Variants in COL24A1 observed in about 807,000 individuals in gnomAD.
The protein encoded by COL24A1 is collagen alpha-1(XXIV) chain.
Under a neutral mutation model 253.9 loss-of-function variants are expected in COL24A1, and 224 were observed. That is an observed-to-expected ratio of 0.88 (90% confidence interval 0.79 to 0.99). The LOEUF is 0.99. COL24A1 is among the 50% of genes least tolerant of loss of function. The probability of loss-of-function intolerance (pLI) is 0.00; values close to 1 mark genes in which losing one functional copy is unlikely to be tolerated. For missense variants in COL24A1, 2,131 were observed against 2,068.5 expected (o/e 1.03, Z -0.59); for synonymous variants, 685 against 673.7 (o/e 1.02, Z -0.26).
chr1:85,977,881 G>T (rs778642918), intron 20 of COL24A1, among the ~76,000 whole-genome samples: 6 of 152,126 alleles, frequency 3.9e-5, no homozygotes, highest in Non-Finnish European at 7.4e-5. Flanking sequence ...TCAAAGAACA[G>T]CTGGGAAATT....
intron 57 of COL24A1, among the ~76,000 whole-genome samples, chr1:85,740,829 GCCGGGCACGGTGGCTCACGCCTGTAATC>G (rs1174232915): frequency 2.7e-5 from 4 of 147,300 alleles, no homozygotes; most frequent in Non-Finnish European, 6.0e-5. Flanking sequence ...TTATCCTAAG[GCCGGGCACGGTGGCTCACGCCTGTAATC>G]CCAGCACTTT....
intron 10 of COL24A1, among the ~76,000 whole-genome samples, chr1:86,054,851 T>C (rs1700556844): frequency 6.6e-6 from 1 of 152,204 alleles, no homozygotes; most frequent in Admixed American, 6.5e-5. Context: ...CATATGTTTA[T>C]TGCAGTACTA....
At chr1:86,072,196 G>C (rs1450303729) in intron 7 of COL24A1, among the ~76,000 whole-genome samples, 1 of 152,164 alleles carries the variant, frequency 6.6e-6, no homozygotes, top group African/African-American at 2.4e-5. Flanking sequence ...TGAAGCCAGG[G>C]AGCCAAGTGG....
At chr1:85,822,769 A>G (rs2101982171) in intron 45 of COL24A1, among the ~76,000 whole-genome samples, 1 of 152,236 alleles carries the variant, frequency 6.6e-6, no homozygotes, top group South Asian at 2.1e-4. Context: ...AAGTCGGTTT[A>G]GCAAGAACCT....
At chr1:85,975,428 C>T (rs1420597927) in intron 20 of COL24A1, among the ~76,000 whole-genome samples, 1 of 152,076 alleles carries the variant, frequency 6.6e-6, no homozygotes, top group Non-Finnish European at 1.5e-5. Context: ...GAATATTATT[C>T]CACCATAAGA....
rs1677499134 is a variant in COL24A1, at chr1:85,849,355, T to C, written c.3352A>G (p.Lys1118Glu). The change falls in exon 38 of 60, where the codon AAG becomes GAG. Residue 1118 changes from lysine to glutamate, a missense_variant and splice_region_variant. Lys to Glu is a moderately conservative substitution (Grantham distance 56). Coordinates refer to ENST00000370571, the MANE Select transcript of COL24A1 (RefSeq NM_152890.7). ...IPGQRGRPGK[K>E]GDKGQIGPTG... The stretch of plus-strand genomic sequence containing the variant: ...CATAAGAAGATGTAAAAAATTACCT[T>C]TTTTCCTGGACGACCTCTTTGCCCT... 2 of 1,612,648 alleles carry C rather than the reference T, an allele frequency of 1.2e-6. No individual in the cohort carries two copies. Among genetic ancestry groups the C allele is most frequent in the African/African-American group, 1.3e-5 (1 of 74,874 alleles).
intron 53 of COL24A1, among the ~76,000 whole-genome samples, chr1:85,763,395 G>T (rs1191424875): frequency 6.6e-6 from 1 of 151,886 alleles, no homozygotes; most frequent in East Asian, 1.9e-4. Flanking sequence ...TCCAGCCTGG[G>T]TGACAGAGTG....
At chr1:85,898,321 C>G (rs1338458015) in intron 28 of COL24A1, among the ~76,000 whole-genome samples, 1 of 152,144 alleles carries the variant, frequency 6.6e-6, no homozygotes, top group African/African-American at 2.4e-5. Context: ...AAGCTATTTA[C>G]TATAATAGGA....
intron 19 of COL24A1, 109 bp downstream of exon 19, chr1:86,017,042 C>A: frequency 1.9e-6 from 2 of 1,051,880 alleles, no homozygotes; most frequent in East Asian, 2.8e-5. Flanking sequence ...GAGATCTAAA[C>A]TTTAAAGAGG....
chr1:85,891,520 A>T (rs1683134005), intron 31 of COL24A1, among the ~76,000 whole-genome samples: 1 of 152,228 alleles, frequency 6.6e-6, no homozygotes, highest in Non-Finnish European at 1.5e-5. Flanking sequence ...CTATCTTCTA[A>T]GTTATAATCT....
At chr1:85,915,016 A>T (rs555787951) in intron 24 of COL24A1, among the ~76,000 whole-genome samples, 1 of 152,342 alleles carries the variant, frequency 6.6e-6, no homozygotes, top group East Asian at 1.9e-4. Context: ...ACTGGGTTAC[A>T]GAGTGCTCAG....
chr1:86,114,078 T>C (rs12024025), intron 4 of COL24A1, among the ~76,000 whole-genome samples: 25,927 of 151,860 alleles, frequency 0.17, 2,295 homozygotes, highest in South Asian at 0.25. Context: ...TTAATATCAA[T>C]GAAAGTTTGG....
At chr1:85,775,431 AT>A (rs1487607430) in intron 53 of COL24A1, among the ~76,000 whole-genome samples, 2 of 152,008 alleles carry the variant, frequency 1.3e-5, no homozygotes, top group African/African-American at 2.4e-5. Context: ...ATCTTTGTTA[AT>A]TTTCTGTCTC....
At chr1:86,152,645 A>T (rs1478950077) in intron 1 of COL24A1, among the ~76,000 whole-genome samples, 1 of 152,208 alleles carries the variant, frequency 6.6e-6, no homozygotes, top group Non-Finnish European at 1.5e-5. Flanking sequence ...AGGGAGATAA[A>T]TGCTTAAGAA....
intron 11 of COL24A1, among the ~76,000 whole-genome samples, chr1:86,049,370 C>T (rs1322033281): frequency 2.0e-5 from 3 of 152,178 alleles, no homozygotes; most frequent in Non-Finnish European, 2.9e-5. Flanking sequence ...ATCTGGTTCA[C>T]TTTCATTTGC....
At position 85,906,264 on chromosome 1, in the gene COL24A1, C is replaced by CTTTTTT. The variant is rs10526604; in HGVS notation, c.2778+924_2778+929dup. On this transcript the variant is annotated intron_variant, in intron 28 of 59. Transcript: ENST00000370571. ...TTTGCCAACTGGAAAACTGCAAGGT[C>CTTTTTT]TTTTTTTTTTTTTACCATGGTTAGG... Among the ~76,000 whole-genome samples the CTTTTTT allele has an allele frequency of 3.0e-3, 236 of 77,844 alleles. 23 individuals carry two copies. Among genetic ancestry groups the CTTTTTT allele is most frequent in the Middle Eastern group, 0.01 (1 of 96 alleles). The allele number at this position is 77,844 out of a possible 152,430, so 51.1% of individuals were successfully genotyped here.
intron 41 of COL24A1, 132 bp downstream of exon 41, chr1:85,841,936 C>T: frequency 2.3e-5 from 15 of 650,292 alleles, no homozygotes; most frequent in Non-Finnish European, 2.7e-5. Flanking sequence ...TTTTTTCTTC[C>T]AGAATTAGTA....
At chr1:85,835,691 C>T (rs1675920297) in intron 43 of COL24A1, among the ~76,000 whole-genome samples, 1 of 151,924 alleles carries the variant, frequency 6.6e-6, no homozygotes, top group Admixed American at 6.6e-5. Context: ...TATGAAATAT[C>T]CAGAATACAG....
At chr1:85,964,329 G>A (rs899328648) in intron 23 of COL24A1, among the ~76,000 whole-genome samples, 1 of 152,026 alleles carries the variant, frequency 6.6e-6, no homozygotes, top group Admixed American at 6.6e-5. Flanking sequence ...AATAGTGAGA[G>A]ATATATCTTT....
Sources: gnomAD v4.1 joint callset for allele counts (sites outside exome capture counted in the v4.1 genomes callset) on GRCh38, gnomAD v4.1.1 for gene constraint, MANE v1.5 for transcripts, NCBI Gene and HGNC (gene_info 2026-07-23, HGNC 2026-07-21) for gene names.